Variants in KDM4B observed in about 807,000 individuals in gnomAD.
KDM4B encodes the protein lysine demethylase 4B, also known as lysine-specific demethylase 4B.
Under a neutral mutation model 125.2 loss-of-function variants are expected in KDM4B, and 32 were observed. The observed-to-expected ratio is 0.26, with a 90% CI of 0.19 to 0.34. The LOEUF is 0.34. Ranked by LOEUF, KDM4B falls within the 10% of genes least tolerant of loss-of-function variation. The pLI, the probability that KDM4B is intolerant of heterozygous loss-of-function variation, is 1.00. For synonymous variants in KDM4B, 721 were observed against 677.9 expected (o/e 1.06, Z -0.99); for missense variants, 1,190 against 1,577.7 (o/e 0.75, Z 4.16).
At chr19:5,001,896 T>G (rs978685447) in intron 1 of KDM4B, among the ~76,000 whole-genome samples, 8 of 152,234 alleles carry the variant, frequency 5.3e-5, no homozygotes, top group Admixed American at 5.2e-4. Context: ...ACTTTTCACT[T>G]GCTTTTTTCT....
At chr19:5,097,693 C>T (rs1451351721) in intron 9 of KDM4B, among the ~76,000 whole-genome samples, 2 of 152,246 alleles carry the variant, frequency 1.3e-5, no homozygotes, top group Non-Finnish European at 2.9e-5. Context: ...CCCTGTGTGT[C>T]GGGAGGCTGG....
rs760464283 is a variant in KDM4B at position 5,062,982 on chromosome 19, AT to A, written c.627-8027del. Reference sequence around the variant, plus strand: ...ATTATGATTTTAAGAAGTTTGTCTTATCCCTTCTGCTTGGTAAACCCTTTGT... The same window carrying A: ...ATTATGATTTTAAGAAGTTTGTCTTACCCTTCTGCTTGGTAAACCCTTTGT... On this transcript the variant is annotated intron_variant, in intron 6 of 22. Transcript: ENST00000159111. Among the ~76,000 whole-genome samples the A allele has an allele frequency of 9.2e-5, 14 of 151,696 alleles. 1 individual carries two copies. In the East Asian group the frequency reaches 1.6e-3, roughly 17 times the overall value.
intron 2 of KDM4B, among the ~76,000 whole-genome samples, chr19:5,027,576 C>T (rs370122550): frequency 7.0e-5 from 10 of 142,706 alleles, no homozygotes; most frequent in Non-Finnish European, 1.4e-4. Flanking sequence ...CGGAGTTTCT[C>T]GTCACCCAGG....
intron 2 of KDM4B, among the ~76,000 whole-genome samples, chr19:5,027,391 T>G (rs1169317872): frequency 6.6e-6 from 1 of 152,156 alleles, no homozygotes; most frequent in African/African-American, 2.4e-5. Context: ...AGGTCTGGGA[T>G]GAAGCTGCCG....
intron 1 of KDM4B, among the ~76,000 whole-genome samples, chr19:4,973,328 A>G (rs1057377950): frequency 1.3e-5 from 2 of 152,088 alleles, no homozygotes; most frequent in Non-Finnish European, 2.9e-5. Context: ...AGCTGGGATT[A>G]CAGGTGCCCG....
chr19:5,131,511 G>C lies in KDM4B; in HGVS notation c.1751G>C (p.Arg584Pro). Reference sequence around the variant, plus strand: ...GGTGCAGCCAGCAGTGGGGCAGGTCGCATGGAGACCAAAGCCCGGGCCGGA... The same window carrying C: ...GGTGCAGCCAGCAGTGGGGCAGGTCCCATGGAGACCAAAGCCCGGGCCGGA... ...EDGAASSGAG[R>P]METKARAGEG... is the part of the protein sequence containing the mutation. Residue 584 changes from arginine (R) to proline (P), a missense_variant, in exon 12 of 23, where the codon CGC becomes CCC. Around this residue, in one of 7 missense-constraint regions of KDM4B, gnomAD observed 428 missense variants for 405.1 expected, o/e 1.06. Transcript: ENST00000159111. 1 of 1,580,808 alleles carries C rather than the reference G, an allele frequency of 6.3e-7. No homozygotes were observed. The highest frequency in any genetic ancestry group is 8.5e-7 in the Non-Finnish European group (1 of 1,174,720).
intron 9 of KDM4B, among the ~76,000 whole-genome samples, chr19:5,087,445 C>A (rs140201511): frequency 6.1e-4 from 93 of 152,314 alleles, no homozygotes; most frequent in African/African-American, 2.2e-3. Flanking sequence ...GACCTTTGGA[C>A]CCCAGTGGTG....
Position 5,014,010 on chromosome 19 carries a change from C to G in KDM4B, c.-108-2247C>G, listed in dbSNP as rs540318054. On this transcript the variant is annotated intron_variant, in intron 1 of 22. Coordinates refer to ENST00000159111, the MANE Select transcript of KDM4B (RefSeq NM_015015.3). Reference sequence around the variant, plus strand: ...CCGGCAGTCCAGGACCTGCTGTTCCCTTCCTACCCGGGGCGGGGCCTGTGG... The same window carrying G: ...CCGGCAGTCCAGGACCTGCTGTTCCGTTCCTACCCGGGGCGGGGCCTGTGG... 2.2e-3 allele frequency among the ~76,000 whole-genome samples: 341 copies of G among 152,362 alleles called. 2 individuals carry two copies. Among genetic ancestry groups the G allele is most frequent in the Non-Finnish European group, 2.7e-3 (185 of 68,038 alleles).
intron 1 of KDM4B, among the ~76,000 whole-genome samples, chr19:4,982,042 G>C (rs957212824): frequency 3.3e-5 from 5 of 152,198 alleles, no homozygotes; most frequent in African/African-American, 1.2e-4. Context: ...TGTCATCCCA[G>C]CACTTTGGGA....
intron 6 of KDM4B, among the ~76,000 whole-genome samples, chr19:5,061,119 G>A (rs1370006580): frequency 6.6e-6 from 1 of 152,162 alleles, no homozygotes; most frequent in Non-Finnish European, 1.5e-5. Flanking sequence ...AGAGCAGGGC[G>A]GGCCACCCAT....
intron 1 of KDM4B, among the ~76,000 whole-genome samples, chr19:5,001,628 T>A (rs753998930): frequency 6.6e-6 from 1 of 152,204 alleles, no homozygotes; most frequent in Non-Finnish European, 1.5e-5. Flanking sequence ...GGGTCAGAAG[T>A]GCAGACATAT....
chr19:5,144,421 TG>T lies in KDM4B; in HGVS notation c.2901+13del. On this transcript the variant is annotated intron_variant, in intron 20 of 22. Coordinates refer to ENST00000159111, the MANE Select transcript of KDM4B (RefSeq NM_015015.3). ...ACCCTGAGAGCATCACGGTGAGCTG[TG>T]GGGTGGGGCAGGGGGCGGGGGGAGG... The T allele has an allele frequency of 2.3e-6, 1 of 439,646 alleles. No homozygotes were observed. The highest frequency in any genetic ancestry group is 4.3e-6 in the Non-Finnish European group (1 of 233,104). The allele number at this position is 439,646 out of a possible 1,614,324, so 27.2% of individuals were successfully genotyped here.
intron 6 of KDM4B, among the ~76,000 whole-genome samples, chr19:5,051,455 G>T (rs950269624): frequency 3.3e-5 from 5 of 152,276 alleles, no homozygotes; most frequent in African/African-American, 9.6e-5. Flanking sequence ...ACCGCCAAGA[G>T]CAGAAGCTTT....
At chr19:5,024,800 T>C (rs1434343177) in intron 2 of KDM4B, among the ~76,000 whole-genome samples, 1 of 151,938 alleles carries the variant, frequency 6.6e-6, no homozygotes, top group Non-Finnish European at 1.5e-5. Flanking sequence ...ATACAAAAAT[T>C]AGCTGGACAT....
intron 1 of KDM4B, among the ~76,000 whole-genome samples, chr19:4,969,540 G>T (rs1441672575): frequency 6.6e-6 from 1 of 150,858 alleles, no homozygotes; most frequent in African/African-American, 2.4e-5. Context: ...GGGCACAGAC[G>T]GCCCCGGCGC....
chr19:5,067,552 G>T (rs954624294), intron 6 of KDM4B, among the ~76,000 whole-genome samples: 8 of 151,982 alleles, frequency 5.3e-5, no homozygotes, highest in Admixed American at 1.3e-4. Context: ...CCCTTGCGGG[G>T]TCCCGGGGAG....
chr19:5,114,136 C>A lies in KDM4B; in HGVS notation c.1115+3318C>A. The A allele has an allele frequency of 7.8e-7, 1 of 1,289,728 alleles. No individual in the cohort carries two copies. The highest frequency in any genetic ancestry group is 1.0e-6 in the Non-Finnish European group (1 of 988,826). The allele number at this position is 1,289,728 out of a possible 1,614,324, so 79.9% of individuals were successfully genotyped here. A position where few individuals can be genotyped will look rare whatever the true frequency, so the allele number is the denominator to read the frequency against. ...CTGGTGCCCTGCCTGAGCCGGAGCC[C>A]TCACAGTGCTCTCTGGCACCCACGC... On this transcript the variant is annotated intron_variant, in intron 10 of 22. Transcript: ENST00000159111. The surrounding 1 kb of genome is among the most constrained non-coding windows in gnomAD (Gnocchi z 5.8).
intron 9 of KDM4B, among the ~76,000 whole-genome samples, chr19:5,095,666 G>A (rs1349263575): frequency 6.6e-6 from 1 of 152,230 alleles, no homozygotes; most frequent in Non-Finnish European, 1.5e-5. Context: ...GCTAGGAGGA[G>A]GGAGAGGGCT....
At chr19:5,095,047 C>T (rs947582682) in intron 9 of KDM4B, among the ~76,000 whole-genome samples, 4 of 152,138 alleles carry the variant, frequency 2.6e-5, no homozygotes, top group Non-Finnish European at 5.9e-5. Context: ...GATGTCCTGT[C>T]GGCAGCTATG....
Sources: allele counts gnomAD v4.1 joint callset (sites outside exome capture counted in the v4.1 genomes callset), GRCh38; gene constraint gnomAD v4.1.1; regional missense constraint gnomAD v4.1.1; non-coding constraint Gnocchi (gnomAD v3.1); transcripts MANE v1.5; gene names NCBI Gene and HGNC (gene_info 2026-07-23, HGNC 2026-07-21).